PIK3C3: variants seen among roughly 807,000 people sequenced by gnomAD.
PIK3C3 encodes PI3-kinase type 3.
Under a neutral mutation model 126.1 loss-of-function variants are expected in PIK3C3, and 95 were observed. That is an observed-to-expected ratio of 0.75 (90% CI 0.64 to 0.89). PIK3C3 has a LOEUF of 0.89. Ranked by LOEUF, PIK3C3 falls within the 40% of genes least tolerant of loss-of-function variation. The pLI is 0.00. For missense variants in PIK3C3, 829 were observed against 1,063.2 expected (o/e 0.78, Z 3.06); for synonymous variants, 374 against 360.0 (o/e 1.04, Z -0.44).
At chr18:41,979,446 T>G (rs1270334000) in intron 4 of PIK3C3, among the ~76,000 whole-genome samples, 2 of 152,202 alleles carry the variant, frequency 1.3e-5, no homozygotes, top group Non-Finnish European at 2.9e-5. Flanking sequence ...ATTTTAGAGA[T>G]ATGATTTAAG....
At chr18:42,016,816 G>A (rs1983096924) in intron 12 of PIK3C3, among the ~76,000 whole-genome samples, 1 of 152,070 alleles carries the variant, frequency 6.6e-6, no homozygotes, top group Non-Finnish European at 1.5e-5. Flanking sequence ...TGTAGGGCTT[G>A]TAGGCCATTA....
chr18:41,993,492 G>C (rs1038731058), intron 7 of PIK3C3, 151 bp downstream of exon 7: 13 of 586,348 alleles, frequency 2.2e-5, no homozygotes, highest in Admixed American at 1.6e-4. Flanking sequence ...TCTAGGCACT[G>C]TTTCTGATGG....
intron 10 of PIK3C3, among the ~76,000 whole-genome samples, chr18:42,011,539 T>C (rs1184773671): frequency 1.3e-5 from 2 of 152,232 alleles, no homozygotes; most frequent in African/African-American, 4.8e-5. Flanking sequence ...CTTTCACCCA[T>C]GGGAATGTTG....
chr18:42,040,644 T>A (rs1244777339), intron 18 of PIK3C3, 33 bp from the exon 19 acceptor site: 2 of 1,443,252 alleles, frequency 1.4e-6, no homozygotes, highest in African/African-American at 2.8e-5. Flanking sequence ...AACCAGTAGC[T>A]ATGCTTAATG....
chr18:41,976,852 G>T (rs955690436), intron 4 of PIK3C3, among the ~76,000 whole-genome samples: 1 of 152,182 alleles, frequency 6.6e-6, no homozygotes, highest in Non-Finnish European at 1.5e-5. Context: ...AAAGCGTAGA[G>T]AAGTTAAGCT....
intron 13 of PIK3C3, 31 bp downstream of exon 13, chr18:42,020,736 T>G: frequency 2.5e-6 from 3 of 1,206,164 alleles, no homozygotes; most frequent in Non-Finnish European, 3.6e-6. Flanking sequence ...GTTTATTTTC[T>G]TATTACCCTT....
At chr18:42,009,497 A>T (rs774313761) in intron 10 of PIK3C3, among the ~76,000 whole-genome samples, 35 of 152,114 alleles carry the variant, frequency 2.3e-4, no homozygotes, top group Non-Finnish European at 4.4e-4. Flanking sequence ...AGTCATATGA[A>T]TTTTTTGGTT....
At chr18:42,033,990 G>C (rs753217498) in intron 16 of PIK3C3, 33 bp downstream of exon 16, 27 of 1,485,440 alleles carry the variant, frequency 1.8e-5, no homozygotes, top group Non-Finnish European at 2.3e-5. Context: ...GTGTATGATT[G>C]GAACCTAATT....
At chr18:42,049,721 C>G in intron 21 of PIK3C3, 116 bp downstream of exon 21, 1 of 781,910 alleles carries the variant, frequency 1.3e-6, no homozygotes, top group Non-Finnish European at 2.1e-6. Context: ...CGCCCGTAAT[C>G]CCAGCACTTT....
rs557575288 is a variant in PIK3C3 at position 42,003,441 on chromosome 18, T to TA, written c.985-914dup. ...TGGAAAGCAAGTACATGCTTTTCTT[T>TA]ATTTTCATTTGTTTTTGTAGAGATG... On this transcript the variant is annotated intron_variant, in intron 9 of 24. Coordinates refer to ENST00000262039, the MANE Select transcript of PIK3C3 (RefSeq NM_002647.4). Among the ~76,000 whole-genome samples the TA allele has an allele frequency of 6.2e-3, 947 of 152,314 alleles. 7 individuals are homozygous for TA. Among genetic ancestry groups the TA allele is most frequent in the Non-Finnish European group, 0.011 (776 of 68,030 alleles).
intron 24 of PIK3C3, among the ~76,000 whole-genome samples, chr18:42,068,454 T>C (rs1245544193): frequency 6.6e-6 from 1 of 152,248 alleles, no homozygotes; most frequent in African/African-American, 2.4e-5. Flanking sequence ...TTCTTAATAA[T>C]GTATCTTCTG....
rs753620925 is a variant in PIK3C3 at position 42,020,618 on chromosome 18, ATTTCT to A, written c.1417-16_1417-12del. 39 of 1,534,026 alleles carry A rather than the reference ATTTCT, an allele frequency of 2.5e-5. No homozygotes were observed. Among genetic ancestry groups the A allele is most frequent in the Non-Finnish European group, 3.2e-5 (36 of 1,117,562 alleles). ...ACTAGTAGATGATAATATATAATAC[ATTTCT>A]TTTAATTCTTTCAGCAAGATCTCTG... On this transcript the variant is annotated splice_polypyrimidine_tract_variant and intron_variant, in intron 12 of 24. Transcript: ENST00000262039.
rs545725484 is a variant in PIK3C3 at position 41,989,767 on chromosome 18, A to G, written c.619-692A>G. The stretch of plus-strand genomic sequence containing the variant: ...GTTTACACGACTAAATTGCTTAATG[A>G]TGCATTTCTCAGAATGTACACCTGT... On this transcript the variant is annotated intron_variant, in intron 5 of 24. Transcript: ENST00000262039. Among the ~76,000 whole-genome samples the G allele has an allele frequency of 3.2e-4, 48 of 152,252 alleles. No individual in the cohort carries two copies. In the South Asian group the frequency reaches 9.5e-3, roughly 30 times the overall value.
chr18:42,032,481 G>C (rs1983871729), intron 15 of PIK3C3, among the ~76,000 whole-genome samples: 1 of 152,066 alleles, frequency 6.6e-6, no homozygotes, highest in Admixed American at 6.6e-5. Context: ...AGGGTGAAAA[G>C]TTTGAAGAAG....
intron 20 of PIK3C3, among the ~76,000 whole-genome samples, chr18:42,048,178 A>G (rs1219748604): frequency 6.6e-6 from 1 of 152,228 alleles, no homozygotes; most frequent in East Asian, 1.9e-4. Flanking sequence ...TGATTTAATC[A>G]TAAGAGTTTA....
chr18:42,020,438 A>ACTGCG (rs2144418359), intron 12 of PIK3C3, among the ~76,000 whole-genome samples, 200 bp from the exon 13 acceptor site: 1 of 152,278 alleles, frequency 6.6e-6, no homozygotes, highest in Non-Finnish European at 1.5e-5. Context: ...AGTCCTCTGA[A>ACTGCG]CTGCGGTATT....
At chr18:42,080,830 C>G (rs1279824980) in intron 24 of PIK3C3, among the ~76,000 whole-genome samples, 1 of 152,118 alleles carries the variant, frequency 6.6e-6, no homozygotes, top group Non-Finnish European at 1.5e-5. Context: ...TTTTGCCTTC[C>G]TAGTGCTGGA....
intron 3 of PIK3C3, among the ~76,000 whole-genome samples, chr18:41,968,312 T>A (rs950795264): frequency 1.1e-4 from 16 of 152,222 alleles, no homozygotes; most frequent in African/African-American, 3.9e-4. Flanking sequence ...CATCTCACTG[T>A]ACGTAGTTCC....
At chr18:42,044,552 G>A (rs1159106686) in intron 20 of PIK3C3, among the ~76,000 whole-genome samples, 3 of 151,980 alleles carry the variant, frequency 2.0e-5, no homozygotes, top group African/African-American at 7.3e-5. Flanking sequence ...ACCTGGGACT[G>A]TAGGAGGTGT....
Sources: allele counts gnomAD v4.1 joint callset (sites outside exome capture counted in the v4.1 genomes callset), GRCh38; gene constraint gnomAD v4.1.1; transcripts MANE v1.5; gene names NCBI Gene and HGNC (gene_info 2026-07-23, HGNC 2026-07-21).